PRORP: variants seen among roughly 807,000 people sequenced by gnomAD.
PRORP encodes protein only RNase P catalytic subunit.
Under a neutral mutation model 59.4 loss-of-function variants are expected in PRORP, and 51 were observed. The observed-to-expected ratio is 0.86, with a 90% CI of 0.69 to 1.08. The LOEUF (loss-of-function observed/expected upper bound fraction) is 1.08. Among genes scored for constraint, PRORP ranks in the 50% least tolerant of loss-of-function variants. The probability of loss-of-function intolerance (pLI) is 0.00; values close to 1 mark genes in which losing one functional copy is unlikely to be tolerated. For synonymous variants in PRORP, 231 were observed against 245.6 expected (o/e 0.94, Z 0.55); for missense variants, 646 against 690.3 (o/e 0.94, Z 0.72).
chr14:35,187,956 T>C (rs1169005705), intron 5 of PRORP, among the ~76,000 whole-genome samples: 1 of 151,096 alleles, frequency 6.6e-6, no homozygotes, highest in Non-Finnish European at 1.5e-5. Context: ...GTGCAAGCGA[T>C]TTTCCTGCCT....
At chr14:35,197,716 T>C (rs2049043487) in intron 5 of PRORP, among the ~76,000 whole-genome samples, 1 of 152,198 alleles carries the variant, frequency 6.6e-6, no homozygotes, top group Non-Finnish European at 1.5e-5. Context: ...ATACTCCTTA[T>C]TGGTATATTA....
intron 5 of PRORP, among the ~76,000 whole-genome samples, chr14:35,183,661 G>C (rs1256519013): frequency 2.0e-5 from 3 of 152,114 alleles, no homozygotes; most frequent in African/African-American, 7.2e-5. Context: ...TTGCCAAATT[G>C]CTTTCCAAAA....
chr14:35,122,411 T>G (rs1263204481), upstream of PRORP: 1 of 161,392 alleles, frequency 6.2e-6, no homozygotes, highest in Admixed American at 6.1e-5. Flanking sequence ...AGTAGACACT[T>G]CAGCAGCCGT....
At chr14:35,175,623 G>A (rs1253357132) in intron 4 of PRORP, among the ~76,000 whole-genome samples, 13 of 151,744 alleles carry the variant, frequency 8.6e-5, no homozygotes, top group Admixed American at 7.2e-4. Flanking sequence ...AGAGTTCTTT[G>A]TAGATTCTGG....
At chr14:35,179,626 G>A (rs1014866157) in intron 4 of PRORP, among the ~76,000 whole-genome samples, 2 of 151,306 alleles carry the variant, frequency 1.3e-5, no homozygotes, top group African/African-American at 4.9e-5. Context: ...GGTTATTCTA[G>A]TTAGCCATTC....
intron 5 of PRORP, among the ~76,000 whole-genome samples, chr14:35,187,588 A>G (rs147879443): frequency 6.6e-6 from 1 of 151,462 alleles, no homozygotes; most frequent in Non-Finnish European, 1.5e-5. Context: ...ATGCCTGGCT[A>G]ATTTTTTTTT....
rs1408736343 is a variant in PRORP, at chr14:35,277,121, G to T, written c.*3555G>T. 1 of 152,102 alleles carries T rather than the reference G, an allele frequency of 6.6e-6. No homozygotes were observed. Among genetic ancestry groups the T allele is most frequent in the Non-Finnish European group, 1.5e-5 (1 of 68,064 alleles). The allele number at this position is 152,102 out of a possible 1,614,324, so 9.4% of individuals were successfully genotyped here. On this transcript the variant is annotated 3_prime_UTR_variant, in exon 8 of 8. Transcript: ENST00000534898. Reference sequence around the variant, plus strand: ...GTTCACTGCAACCTCTGCCTCCTGGGTTCAAGCAATTCTCATGCCTCTGCC... The same window carrying T: ...GTTCACTGCAACCTCTGCCTCCTGGTTTCAAGCAATTCTCATGCCTCTGCC...
At chr14:35,256,569 A>G (rs1009928676) in intron 5 of PRORP, among the ~76,000 whole-genome samples, 8 of 151,816 alleles carry the variant, frequency 5.3e-5, no homozygotes, top group African/African-American at 1.7e-4. Context: ...TGACCTCGTG[A>G]TCCGCCCACC....
In PRORP at chr14:35,124,240, G is replaced by T. The variant is rs1282512635; in HGVS notation, c.986+9G>T. The T allele has an allele frequency of 3.8e-5, 57 of 1,500,230 alleles. No individual in the cohort carries two copies. Among genetic ancestry groups the T allele is most frequent in the Middle Eastern group, 2.2e-4 (1 of 4,526 alleles). 92.9% of individuals were successfully genotyped at this position (1,500,230 alleles called of 1,614,324 possible). On this transcript the variant is annotated intron_variant, in intron 2 of 7. Coordinates refer to ENST00000534898, the MANE Select transcript of PRORP (RefSeq NM_014672.4). ...AAAACATGGTTTGAGAGGTAATTTT[G>T]GTTTTTTTATATGTATGTTTTTATT... is the stretch of plus-strand genomic sequence containing the variant.
intron 5 of PRORP, among the ~76,000 whole-genome samples, chr14:35,207,023 C>T (rs1041837169): frequency 2.0e-5 from 3 of 152,078 alleles, no homozygotes; most frequent in Admixed American, 1.3e-4. Flanking sequence ...CATTTTTCTG[C>T]TTTTAAGATT....
chr14:35,153,508 G>T (rs556793369), intron 4 of PRORP, among the ~76,000 whole-genome samples: 79 of 152,288 alleles, frequency 5.2e-4, no homozygotes, highest in African/African-American at 1.9e-3. Context: ...AGCAAGGTTT[G>T]TAAGTAACAG....
Position 35,270,467 on chromosome 14 carries a change from A to T in PRORP, c.1491A>T (p.Thr497=), listed in dbSNP as rs2051157728. The T allele has an allele frequency of 6.2e-7, 1 of 1,613,988 alleles. No homozygotes were observed. Among genetic ancestry groups the T allele is most frequent in the Non-Finnish European group, 8.5e-7 (1 of 1,180,020 alleles). The change falls in exon 7 of 8, where the codon ACA becomes ACT. Residue 497 remains threonine, a synonymous_variant. Coordinates refer to ENST00000534898, the MANE Select transcript of PRORP (RefSeq NM_014672.4). ...CCGGGAATCACTGCAGGTTTATCACAAGAGACCTGATGCGGGACCACAAGG... is the reference window on the plus strand; with the variant it reads ...CCGGGAATCACTGCAGGTTTATCACTAGAGACCTGATGCGGGACCACAAGG... ...LHSGNHCRFI[T]RDLMRDHKAC...
At chr14:35,132,722 G>A (rs1345394983) in intron 4 of PRORP, among the ~76,000 whole-genome samples, 1 of 150,718 alleles carries the variant, frequency 6.6e-6, no homozygotes, top group Non-Finnish European at 1.5e-5. Context: ...GTGAAGCGGA[G>A]GTTGTAGTGA....
At chr14:35,238,172 G>A (rs971703694) in intron 5 of PRORP, among the ~76,000 whole-genome samples, 37 of 151,936 alleles carry the variant, frequency 2.4e-4, no homozygotes, top group African/African-American at 8.9e-4. Context: ...GAAAACTGAG[G>A]TGCAATTAAG....
chr14:35,209,741 G>T (rs2049389919), intron 5 of PRORP, among the ~76,000 whole-genome samples: 2 of 152,032 alleles, frequency 1.3e-5, no homozygotes, highest in South Asian at 4.1e-4. Flanking sequence ...TCACCAGGTT[G>T]GCCAGGCTGC....
chr14:35,172,751 A>G (rs2048353978), intron 4 of PRORP, among the ~76,000 whole-genome samples: 1 of 151,800 alleles, frequency 6.6e-6, no homozygotes, highest in Non-Finnish European at 1.5e-5. Context: ...TATTTTTAGT[A>G]GAGACAAGCT....
chr14:35,270,513 A>T lies in PRORP; in HGVS notation c.1537A>T (p.Thr513Ser). The T allele has an allele frequency of 6.2e-7, 1 of 1,614,100 alleles. No homozygotes were observed. Among genetic ancestry groups the T allele is most frequent in the Non-Finnish European group, 8.5e-7 (1 of 1,180,032 alleles). Reference sequence around the variant, plus strand: ...CAAGGCCTGTCTGCCTGATGCCAAGACCCAACGCCTGTTTTTTAAGTGGCA... The same window carrying T: ...CAAGGCCTGTCTGCCTGATGCCAAGTCCCAACGCCTGTTTTTTAAGTGGCA... ...DHKACLPDAKTQRLFFKWQQG... is the reference protein window; with the variant it reads ...DHKACLPDAKSQRLFFKWQQG... The change falls in exon 7 of 8, where the codon ACC (threonine) becomes TCC (serine). Residue 513 changes from threonine to serine, a missense_variant. By Grantham distance (58) the Thr-to-Ser change is moderately conservative. Coordinates refer to ENST00000534898, the MANE Select transcript of PRORP (RefSeq NM_014672.4).
intron 5 of PRORP, among the ~76,000 whole-genome samples, chr14:35,251,927 C>T (rs934032871): frequency 2.0e-5 from 3 of 152,188 alleles, no homozygotes; most frequent in Admixed American, 6.5e-5. Flanking sequence ...GTCGGGGAGG[C>T]ACAGGTGCAG....
At chr14:35,144,051 C>G (rs944283764) in intron 4 of PRORP, 1 of 149,812 alleles carries the variant, frequency 6.7e-6, no homozygotes, top group African/African-American at 2.4e-5. Flanking sequence ...TGGCAACATC[C>G]AAAACATCAT....
Sources: allele counts gnomAD v4.1 joint callset (sites outside exome capture counted in the v4.1 genomes callset), GRCh38; gene constraint gnomAD v4.1.1; transcripts MANE v1.5; gene names NCBI Gene and HGNC (gene_info 2026-07-23, HGNC 2026-07-21).